Variants in RBX1 observed in about 807,000 individuals in gnomAD.
The protein encoded by RBX1 is E3 ubiquitin-protein ligase RBX1.
For synonymous variants in RBX1, 48 were observed against 47.9 expected (o/e 1.00, Z -0.01); for missense variants, 46 against 141.4 (o/e 0.33, Z 3.42).
chr22:40,951,918 C>A (rs919874063), intron 1 of RBX1, among the ~76,000 whole-genome samples: 3 of 152,024 alleles, frequency 2.0e-5, no homozygotes, highest in Non-Finnish European at 4.4e-5. Flanking sequence ...CTCTGAGGAC[C>A]CCCCTTGGTG....
chr22:40,965,403 C>T (rs1410443692), intron 3 of RBX1, among the ~76,000 whole-genome samples: 2 of 149,138 alleles, frequency 1.3e-5, no homozygotes, highest in African/African-American at 4.9e-5. Flanking sequence ...ACTCTTTTTC[C>T]TACCTACACT....
chr22:40,960,556 G>A (rs747812536), intron 2 of RBX1, among the ~76,000 whole-genome samples: 2 of 152,108 alleles, frequency 1.3e-5, no homozygotes, highest in Admixed American at 6.6e-5. Context: ...ATTTAAACAC[G>A]ATAATGTACC....
intron 1 of RBX1, among the ~76,000 whole-genome samples, chr22:40,953,331 G>T (rs1692838246): frequency 1.3e-5 from 2 of 152,142 alleles, no homozygotes; most frequent in Non-Finnish European, 1.5e-5. Context: ...ATTAAAAGAT[G>T]ACATTAATTT....
At chr22:40,952,298 G>A (rs1028082133) in intron 1 of RBX1, among the ~76,000 whole-genome samples, 3 of 152,198 alleles carry the variant, frequency 2.0e-5, no homozygotes, top group African/African-American at 7.2e-5. Context: ...GTTTGCCACA[G>A]TTTGGGAGAA....
chr22:40,954,548 A>G (rs5751013), intron 2 of RBX1, among the ~76,000 whole-genome samples: 2 of 152,200 alleles, frequency 1.3e-5, no homozygotes, highest in Admixed American at 1.3e-4. Context: ...TGTTGATCAC[A>G]CCAGGAACAG....
intron 3 of RBX1, chr22:40,966,738 C>T (rs549932587): frequency 6.6e-6 from 1 of 152,208 alleles, no homozygotes; most frequent in African/African-American, 2.4e-5. Context: ...GGAGACGTAC[C>T]GACCAGATTT....
chr22:40,961,081 CTTTT>C (rs61092253), intron 2 of RBX1, among the ~76,000 whole-genome samples: 27 of 107,664 alleles, frequency 2.5e-4, no homozygotes, highest in African/African-American at 9.6e-4. Flanking sequence ...CGTGCCTGGC[CTTTT>C]TTTTTTTTTT....
At chr22:40,964,390 C>T (rs1956296258) in intron 3 of RBX1, 2 of 327,944 alleles carry the variant, frequency 6.1e-6, no homozygotes, top group African/African-American at 4.3e-5. Flanking sequence ...TGGGAATTGC[C>T]TTCAAAACCT....
intron 4 of RBX1, among the ~76,000 whole-genome samples, chr22:40,970,025 C>A (rs1322072295): frequency 1.3e-5 from 2 of 148,482 alleles, no homozygotes; most frequent in African/African-American, 5.0e-5. Flanking sequence ...CATGCCACTG[C>A]ACTCCAGCCT....
chr22:40,970,375 A>G (rs569529530), intron 4 of RBX1, among the ~76,000 whole-genome samples: 2 of 151,528 alleles, frequency 1.3e-5, no homozygotes, highest in Non-Finnish European at 2.9e-5. Context: ...AGGAATGTAT[A>G]TTTTTGTTTT....
chr22:40,954,398 C>T (rs1046716337), intron 2 of RBX1, among the ~76,000 whole-genome samples: 2 of 152,104 alleles, frequency 1.3e-5, no homozygotes, highest in Admixed American at 1.3e-4. Context: ...TTGCCAACAT[C>T]TAAATAAATA....
intron 4 of RBX1, among the ~76,000 whole-genome samples, chr22:40,969,584 A>G (rs1468847267): frequency 6.6e-6 from 1 of 151,850 alleles, no homozygotes; most frequent in Non-Finnish European, 1.5e-5. Flanking sequence ...CCCCATCTCT[A>G]CCAAAAAATA....
intron 4 of RBX1, 103 bp from the exon 5 acceptor site, chr22:40,972,373 C>G: frequency 2.5e-6 from 2 of 815,878 alleles, no homozygotes; most frequent in Non-Finnish European, 2.1e-6. Context: ...ACACTGTGAT[C>G]ACTTAGGTTC....
At chr22:40,968,085 CTTT>C (rs938566744) in intron 4 of RBX1, among the ~76,000 whole-genome samples, 2 of 111,198 alleles carry the variant, frequency 1.8e-5, no homozygotes, top group Admixed American at 1.0e-4. Flanking sequence ...GTTTCCCAAC[CTTT>C]TTTTTTTTTT....
chr22:40,951,599 C>T lies in RBX1; in HGVS notation c.78+123C>T, dbSNP rs182214806. 141 of 893,064 alleles carry T rather than the reference C, an allele frequency of 1.6e-4. 2 individuals carry two copies. In the East Asian group the frequency reaches 3.7e-3, roughly 23 times the overall value. 55.3% of individuals were successfully genotyped at this position (893,064 alleles called of 1,614,324 possible). ...TTCAGGGCGTTCCTGGGACCGGGTA[C>T]CACGAAAGGAAGCCGGGGGGCGGGT... On this transcript the variant is annotated intron_variant, in intron 1 of 4. Transcript: ENST00000216225.
intron 2 of RBX1, among the ~76,000 whole-genome samples, chr22:40,958,354 GA>G (rs557278863): frequency 4.0e-5 from 6 of 149,492 alleles, no homozygotes; most frequent in African/African-American, 1.5e-4. Context: ...AGCAAGTAAA[GA>G]AAAAAATGGA....
Position 40,962,090 on chromosome 22 carries a change from G to GGTTT in RBX1, c.158-1936_158-1933dup, listed in dbSNP as rs537349410. 2.2e-3 allele frequency among the ~76,000 whole-genome samples: 332 copies of GGTTT among 151,758 alleles called. 3 individuals carry two copies. Among genetic ancestry groups the GGTTT allele is most frequent in the African/African-American group, 7.1e-3 (293 of 41,302 alleles). On this transcript the variant is annotated intron_variant, in intron 2 of 4. Transcript: ENST00000216225. The stretch of plus-strand genomic sequence containing the variant: ...TGAGCCACTACTCCCAGCCTTTTAT[G>GGTTT]GTTTGTTTGTTTGTTTGTTTGTTTT...
At chr22:40,970,541 C>T (rs1411537251) in intron 4 of RBX1, among the ~76,000 whole-genome samples, 5 of 151,924 alleles carry the variant, frequency 3.3e-5, no homozygotes, top group Admixed American at 6.6e-5. Flanking sequence ...AATCAGTATT[C>T]GATTTTCATT....
At chr22:40,960,790 G>A (rs1458706080) in intron 2 of RBX1, among the ~76,000 whole-genome samples, 3 of 151,988 alleles carry the variant, frequency 2.0e-5, no homozygotes, top group African/African-American at 7.3e-5. Flanking sequence ...ATGGAGTCTC[G>A]CTCTTTCACC....
Sources: gnomAD v4.1 joint callset for allele counts (sites outside exome capture counted in the v4.1 genomes callset) on GRCh38, gnomAD v4.1.1 for gene constraint, MANE v1.5 for transcripts, NCBI Gene and HGNC (gene_info 2026-07-23, HGNC 2026-07-21) for gene names.